SMO: variants seen among roughly 807,000 people sequenced by gnomAD.
SMO encodes the protein smoothened, frizzled class receptor.
In SMO, 40 loss-of-function variants were observed where a neutral mutation model predicts 81.6. The observed-to-expected ratio is 0.49, with a 90% CI of 0.38 to 0.64. The LOEUF (loss-of-function observed/expected upper bound fraction) is 0.64, where lower values mean the gene tolerates loss of function less well. Among genes scored for constraint, SMO ranks in the 30% least tolerant of loss-of-function variants. The pLI is 0.00. For missense variants in SMO, 916 were observed against 1,061.1 expected (o/e 0.86, Z 1.90); for synonymous variants, 434 against 432.1 (o/e 1.00, Z -0.05).
intron 1 of SMO, among the ~76,000 whole-genome samples, chr7:129,193,854 T>G (rs1311108982): frequency 1.6e-5 from 2 of 128,346 alleles, no homozygotes; most frequent in East Asian, 4.8e-4. Flanking sequence ...CCTGTAATCT[T>G]AGCACTTTGG....
chr7:129,192,625 T>C (rs1793496616), intron 1 of SMO, among the ~76,000 whole-genome samples: 1 of 152,074 alleles, frequency 6.6e-6, no homozygotes, highest in Admixed American at 6.6e-5. Flanking sequence ...AGTGGGCAGA[T>C]CCCACTAACT....
intron 2 of SMO, 146 bp from the exon 3 acceptor site, chr7:129,205,057 C>G: frequency 1.5e-6 from 1 of 668,286 alleles, no homozygotes; most frequent in Non-Finnish European, 2.7e-6. Flanking sequence ...ACAGAGAGGC[C>G]AAATAATTTG....
chr7:129,189,234 G>A lies in SMO; in HGVS notation c.83G>A (p.Arg28Gln), dbSNP rs2150637910. The A allele has an allele frequency of 2.5e-6, 3 of 1,186,710 alleles. No individual in the cohort carries two copies. The highest frequency in any genetic ancestry group is 3.2e-6 in the Non-Finnish European group (3 of 948,274). The allele number at this position is 1,186,710 out of a possible 1,614,324, so 73.5% of individuals were successfully genotyped here. The change falls in exon 1 of 12, where the codon CGG becomes CAG. Residue 28 changes from arginine (R) to glutamine (Q), a missense_variant. Physicochemically the swap from Arg to Gln is conservative, Grantham distance 43 (BLOSUM62 1). Coordinates refer to ENST00000249373, the MANE Select transcript of SMO (RefSeq NM_005631.5). This position sits in a 1 kb window ranked among gnomAD's most constrained non-coding sequence, Gnocchi z 4.7. ...CTGCTGCTGCTGGGGGACCCGGGCC[G>A]GGGGGCGGCCTCGAGCGGGAACGCG... ...LLLLLLGDPG[R>Q]GAASSGNATG...
rs756496151 is a variant in SMO, at chr7:129,208,763, C to A, written c.1269C>A (p.Val423=). The A allele has an allele frequency of 6.2e-7, 1 of 1,610,662 alleles. No individual in the cohort carries two copies. Among genetic ancestry groups the A allele is most frequent in the Admixed American group, 1.7e-5 (1 of 59,990 alleles). ...TGAGGTCCCCCTTCTGTTCAGGAGT[C>A]ATGACTCTGTTCTCCATCAAGAGCA... is the stretch of plus-strand genomic sequence containing the variant. ...IVGGYFLIRG[V]MTLFSIKSNH... The change falls in exon 7 of 12, where the codon GTC becomes GTA. Residue 423 remains valine (V), a synonymous_variant. Transcript: ENST00000249373. The surrounding 1 kb of genome is among the most constrained non-coding windows in gnomAD (Gnocchi z 5.2).
chr7:129,201,307 G>A (rs1016365887), intron 1 of SMO, among the ~76,000 whole-genome samples: 2 of 152,084 alleles, frequency 1.3e-5, no homozygotes, highest in African/African-American at 4.8e-5. Context: ...GGCCTCCCAA[G>A]TTCTGGGATT....
chr7:129,188,985 C>T lies in SMO; in HGVS notation c.-167C>T. 2 of 499,266 alleles carry T rather than the reference C, an allele frequency of 4.0e-6. No individual in the cohort carries two copies. Among genetic ancestry groups the T allele is most frequent in the Middle Eastern group, 5.9e-4 (1 of 1,700 alleles). 30.9% of individuals were successfully genotyped at this position (499,266 alleles called of 1,614,324 possible). ...TTCCAAAGTTTGCGAAGTTGGGCGC[C>T]GAGGGGCCGGGGCGCGCGGAGCGTC... On this transcript the variant is annotated 5_prime_UTR_variant, in exon 1 of 12. Transcript: ENST00000249373. This position sits in a 1 kb window ranked among gnomAD's most constrained non-coding sequence, Gnocchi z 4.9.
rs2150649114 is a variant in SMO, at chr7:129,205,666, C to T, written c.804C>T (p.Phe268=). 3 of 1,613,960 alleles carry T rather than the reference C, an allele frequency of 1.9e-6. No homozygotes were observed. The highest frequency in any genetic ancestry group is 2.5e-6 in the Non-Finnish European group (3 of 1,180,016). The part of the protein sequence containing the change: ...NSNRYPAVIL[F]YVNACFFVGS... ...ATCGCTACCCTGCTGTTATTCTCTT[C>T]TACGTCAATGCGTGCTTCTTTGTGG... The change falls in exon 4 of 12, where the codon TTC becomes TTT. Residue 268 remains phenylalanine, a synonymous_variant. Coordinates refer to ENST00000249373, the MANE Select transcript of SMO (RefSeq NM_005631.5).
rs188453321 is a variant in SMO at position 129,191,593 on chromosome 7, C to T, written c.331+2111C>T. ...GGGTAATGAGTAGGTAGAGTGAACC[C>T]AAGCCTCGTGTGAGAATCACAGCCA... On this transcript the variant is annotated intron_variant, in intron 1 of 11. Transcript: ENST00000249373. 1.2e-3 allele frequency among the ~76,000 whole-genome samples: 179 copies of T among 152,188 alleles called. 1 individual carries two copies. Among genetic ancestry groups the T allele is most frequent in the African/African-American group, 4.1e-3 (169 of 41,508 alleles).
Position 129,191,869 on chromosome 7 carries a change from T to G in SMO, c.331+2387T>G, listed in dbSNP as rs184268350. On this transcript the variant is annotated intron_variant, in intron 1 of 11. Transcript: ENST00000249373. The stretch of plus-strand genomic sequence containing the variant: ...TGCATTCAGTTATGTATTGAATGTT[T>G]GCTGTATGTCACATGCTGCGCATGT... Among the ~76,000 whole-genome samples the G allele has an allele frequency of 1.2e-4, 18 of 152,302 alleles. No homozygotes were observed. The East Asian group carries it at 3.5e-3, about 29-fold the overall frequency.
Position 129,192,005 on chromosome 7 carries a change from A to G in SMO, c.331+2523A>G, listed in dbSNP as rs189004679. ...GAGGCCGAGGCGGGAAGATTGCTCA[A>G]TACCAGGAGTTTAAGACCAGCCTGA... On this transcript the variant is annotated intron_variant, in intron 1 of 11. Coordinates refer to ENST00000249373, the MANE Select transcript of SMO (RefSeq NM_005631.5). Among the ~76,000 whole-genome samples the G allele has an allele frequency of 4.4e-4, 67 of 152,294 alleles. 1 individual carries two copies. Among genetic ancestry groups the G allele is most frequent in the Admixed American group, 3.8e-3 (58 of 15,296 alleles).
At chr7:129,198,746 T>C (rs541290656) in intron 1 of SMO, among the ~76,000 whole-genome samples, 4 of 152,356 alleles carry the variant, frequency 2.6e-5, no homozygotes, top group South Asian at 2.1e-4. Flanking sequence ...CTAGAAGCCA[T>C]AGGTTATACT....
At chr7:129,190,597 G>A (rs1323981987) in intron 1 of SMO, among the ~76,000 whole-genome samples, 1 of 152,234 alleles carries the variant, frequency 6.6e-6, no homozygotes, top group Non-Finnish European at 1.5e-5. Flanking sequence ...GTGTATGTAG[G>A]CCGCCTGTCA....
At position 129,196,087 on chromosome 7, in the gene SMO, T is replaced by C. The variant is rs549589303; in HGVS notation, c.331+6605T>C. On this transcript the variant is annotated intron_variant, in intron 1 of 11. Transcript: ENST00000249373. ...CTGCACTCCAGCCTGGGTGACAGAG[T>C]GAGACTCCCTCTCAAAAAAAAAAAA... Among the ~76,000 whole-genome samples, 31 of 131,896 alleles carry C rather than the reference T, an allele frequency of 2.4e-4. No individual in the cohort carries two copies. The East Asian group carries it at 3.6e-3, about 15-fold the overall frequency. 86.5% of individuals were successfully genotyped at this position (131,896 alleles called of 152,430 possible).
Position 129,189,481 on chromosome 7 carries a change from G to T in SMO, c.330G>T (p.Ser110=), listed in dbSNP as rs1403248804. Residue 110 remains serine (S), a splice_region_variant and synonymous_variant, in exon 1 of 12, where the codon TCG becomes TCT. Coordinates refer to ENST00000249373, the MANE Select transcript of SMO (RefSeq NM_005631.5). This position sits in a 1 kb window ranked among gnomAD's most constrained non-coding sequence, Gnocchi z 4.7. ...CGCACGGCAAGCTCGTGCTCTGGTC[G>T]GGTAAGTGCGGCGGAGCCGGGTCTG... The part of the protein sequence containing the change: ...EEAHGKLVLW[S]GLRNAPRCWA... The T allele has an allele frequency of 6.5e-7, 1 of 1,536,468 alleles. No individual in the cohort carries two copies. The highest frequency in any genetic ancestry group is 1.9e-4 in the Middle Eastern group (1 of 5,400).
At chr7:129,209,268 T>G in intron 7 of SMO, 21 bp from the exon 8 acceptor site, 1 of 1,470,776 alleles carries the variant, frequency 6.8e-7, no homozygotes, top group Non-Finnish European at 9.5e-7. Context: ...TAACGTCCTG[T>G]CCTGCCCCTG....
In SMO at chr7:129,210,686, G is replaced by T; in HGVS notation, c.1652+138G>T. Reference sequence around the variant, plus strand: ...CCGCTGCCCCCTGGTGGCACCTTCTGTCCTTGGGTGGCCTGATGCCTGGGC... The same window carrying T: ...CCGCTGCCCCCTGGTGGCACCTTCTTTCCTTGGGTGGCCTGATGCCTGGGC... On this transcript the variant is annotated intron_variant, in intron 9 of 11. Transcript: ENST00000249373. This position sits in a 1 kb window ranked among gnomAD's most constrained non-coding sequence, Gnocchi z 4.7. 1.3e-6 allele frequency: 1 copy of T among 780,472 alleles called. No homozygotes were observed. The highest frequency in any genetic ancestry group is 2.0e-6 in the Non-Finnish European group (1 of 492,062). 48.3% of individuals were successfully genotyped at this position (780,472 alleles called of 1,614,324 possible). A position where few individuals can be genotyped will look rare whatever the true frequency, so the allele number is the denominator to read the frequency against.
intron 1 of SMO, among the ~76,000 whole-genome samples, chr7:129,193,102 G>A (rs1793502970): frequency 6.6e-6 from 1 of 152,166 alleles, no homozygotes; most frequent in Non-Finnish European, 1.5e-5. Context: ...AAGCTGACCA[G>A]ACAAACATAA....
intron 1 of SMO, among the ~76,000 whole-genome samples, chr7:129,194,012 A>T (rs1358063135): frequency 6.7e-6 from 1 of 150,296 alleles, no homozygotes; most frequent in Non-Finnish European, 1.5e-5. Context: ...AGGCAAAAGG[A>T]TCGCTTGAAC....
intron 1 of SMO, among the ~76,000 whole-genome samples, chr7:129,193,907 C>T (rs1793526191): frequency 1.4e-5 from 2 of 141,214 alleles, no homozygotes; most frequent in South Asian, 4.6e-4. Flanking sequence ...GAGTTCGAGA[C>T]CAGCCTGGGC....
Sources: gnomAD v4.1 joint callset for allele counts (sites outside exome capture counted in the v4.1 genomes callset) on GRCh38, gnomAD v4.1.1 for gene constraint, Gnocchi (gnomAD v3.1) non-coding constraint, MANE v1.5 for transcripts, NCBI Gene and HGNC (gene_info 2026-07-23, HGNC 2026-07-21) for gene names.